Variants in TSHZ3 observed in about 807,000 individuals in gnomAD.
TSHZ3 encodes the protein teashirt zinc finger homeobox 3.
TSHZ3 carries 10 observed loss-of-function variants against 64.5 expected under a neutral mutation model. The observed-to-expected ratio is 0.16, with a 90% CI of 0.10 to 0.26. TSHZ3 has a LOEUF of 0.26. Among genes scored for constraint, TSHZ3 ranks in the 10% least tolerant of loss-of-function variants. TSHZ3 has a pLI of 1.00. For synonymous variants in TSHZ3, 608 were observed against 593.1 expected, an observed-to-expected ratio of 1.03 and a Z score of -0.36; for missense variants, 1,242 against 1,421.7, an observed-to-expected ratio of 0.87 and a Z score of 2.03.
At chr19:31,336,648 C>T (rs1002522539) in intron 1 of TSHZ3, among the ~76,000 whole-genome samples, 14 of 151,600 alleles carry the variant, frequency 9.2e-5, no homozygotes, top group African/African-American at 3.4e-4. Context: ...GGTCTCACTC[C>T]AGTTCTTCGG....
At chr19:31,241,522 A>G (rs1206044975) in intron 3 of TSHZ3, among the ~76,000 whole-genome samples, 2 of 152,010 alleles carry the variant, frequency 1.3e-5, no homozygotes, top group Non-Finnish European at 2.9e-5. Context: ...CAACAGCTTA[A>G]CTCTGGTAAG....
At chr19:31,171,842 C>T (rs1412225609) in intron 5 of TSHZ3, among the ~76,000 whole-genome samples, 2 of 152,106 alleles carry the variant, frequency 1.3e-5, no homozygotes, top group African/African-American at 2.4e-5. Flanking sequence ...CTGCCCCAGG[C>T]CTTTCCCTTT....
At chr19:31,298,209 G>C (rs113188404) in intron 1 of TSHZ3, among the ~76,000 whole-genome samples, 3 of 152,112 alleles carry the variant, frequency 2.0e-5, no homozygotes, top group African/African-American at 7.2e-5. Context: ...ACATGACCAA[G>C]AGCTTTGCTG....
intron 1 of TSHZ3, among the ~76,000 whole-genome samples, chr19:31,256,239 G>A (rs1266017835): frequency 1.3e-5 from 2 of 152,100 alleles, no homozygotes; most frequent in Non-Finnish European, 2.9e-5. Flanking sequence ...CACCCACCAC[G>A]GTGGCCTTGC....
intron 1 of TSHZ3, among the ~76,000 whole-genome samples, chr19:31,296,525 AG>A: frequency 6.6e-6 from 1 of 152,024 alleles, no homozygotes; most frequent in East Asian, 1.9e-4. Flanking sequence ...TAGTAGAGAC[AG>A]GGTTTCACCA....
upstream of TSHZ3, among the ~76,000 whole-genome samples, chr19:31,349,977 G>A (rs2021661810): frequency 4.4e-5 from 4 of 90,990 alleles, no homozygotes; most frequent in South Asian, 4.1e-4. Context: ...CTCCGCCTCC[G>A]CCCCGTGCGC....
chr19:31,163,367 T>G (rs547934098), intron 5 of TSHZ3, among the ~76,000 whole-genome samples: 52 of 152,316 alleles, frequency 3.4e-4, no homozygotes, highest in South Asian at 1.7e-3. Flanking sequence ...CTCAGATTTA[T>G]TCTGTAGTGG....
chr19:31,151,395 C>T (rs958051882), exon 7 of TSHZ3, among the ~76,000 whole-genome samples: 5 of 152,106 alleles, frequency 3.3e-5, no homozygotes, highest in African/African-American at 1.2e-4. Context: ...AAGAAATTAA[C>T]ATGAGCCATC....
At chr19:31,321,752 C>T (rs1315187277) in intron 1 of TSHZ3, among the ~76,000 whole-genome samples, 2 of 151,858 alleles carry the variant, frequency 1.3e-5, no homozygotes, top group African/African-American at 2.4e-5. Context: ...GCTTAATTGT[C>T]GTTGATTACA....
chr19:31,165,609 C>T (rs1268949513), intron 5 of TSHZ3, among the ~76,000 whole-genome samples: 1 of 152,048 alleles, frequency 6.6e-6, no homozygotes, highest in Non-Finnish European at 1.5e-5. Flanking sequence ...GCTCAGCCCT[C>T]GGACAAAAAT....
chr19:31,299,496 T>C (rs1392422694), intron 1 of TSHZ3, among the ~76,000 whole-genome samples: 1 of 152,196 alleles, frequency 6.6e-6, no homozygotes, highest in East Asian at 1.9e-4. Context: ...AGAGGGAAAG[T>C]CATTTTTATT....
At chr19:31,179,896 G>A (rs746420231) in intron 5 of TSHZ3, among the ~76,000 whole-genome samples, 2 of 152,036 alleles carry the variant, frequency 1.3e-5, no homozygotes, top group African/African-American at 4.8e-5. Context: ...AGCTCATATA[G>A]TGCCACTCAG....
chr19:31,158,573 G>C (rs1176716514), intron 5 of TSHZ3, among the ~76,000 whole-genome samples: 5 of 152,122 alleles, frequency 3.3e-5, no homozygotes, highest in Admixed American at 3.3e-4. Flanking sequence ...AGGTTTCCAC[G>C]AGCCAGAGTT....
At position 31,278,668 on chromosome 19, in the gene TSHZ3, T is replaced by C. The variant is rs752245787; in HGVS notation, c.1125A>G (p.Ala375=). Reference sequence around the variant, plus strand: ...GCGACTTCCGGGCCTCAAAGTGCCATGCATAGCTGGCCCCATTCTGGTGGC... The same window carrying C: ...GCGACTTCCGGGCCTCAAAGTGCCACGCATAGCTGGCCCCATTCTGGTGGC... ...RYGHQNGASY[A]WHFEARKSQI... The change falls in exon 2 of 2, where the codon GCA becomes GCG. Residue 375 remains alanine, a synonymous_variant. Transcript: ENST00000240587. This position sits in a 1 kb window ranked among gnomAD's most constrained non-coding sequence, Gnocchi z 4.7. The C allele has an allele frequency of 4.8e-5, 77 of 1,614,080 alleles. No individual in the cohort carries two copies. The highest frequency in any genetic ancestry group is 6.2e-5 in the Non-Finnish European group (73 of 1,180,044).
At chr19:31,171,630 A>G (rs1243694620) in intron 5 of TSHZ3, among the ~76,000 whole-genome samples, 2 of 152,058 alleles carry the variant, frequency 1.3e-5, no homozygotes, top group East Asian at 3.9e-4. Flanking sequence ...AAACCCATAA[A>G]CCTCAGTTCT....
At chr19:31,258,872 C>T (rs80277370) in intron 1 of TSHZ3, among the ~76,000 whole-genome samples, 2,101 of 152,244 alleles carry the variant, frequency 0.014, 58 homozygotes, top group African/African-American at 0.048. Context: ...CCCATCGGGT[C>T]GATTCCTCTA....
chr19:31,212,526 A>T (rs1048719498), intron 4 of TSHZ3, among the ~76,000 whole-genome samples: 14 of 152,170 alleles, frequency 9.2e-5, no homozygotes, highest in African/African-American at 3.4e-4. Context: ...GGGGAATTAA[A>T]ATCAAAACAA....
At chr19:31,308,185 C>T (rs1473733884) in intron 1 of TSHZ3, among the ~76,000 whole-genome samples, 1 of 152,158 alleles carries the variant, frequency 6.6e-6, no homozygotes, top group Admixed American at 6.5e-5. Context: ...ATGGCAGTGA[C>T]GTGCAGGTGT....
At position 31,349,023 on chromosome 19, in the gene TSHZ3, C is replaced by G. The variant is rs1356200309; in HGVS notation, c.40+157G>C. ...GGGCGTCCGGGGGGCGCCCGGTACC[C>G]GAGGCGGGCGCACGCACCCAAACAG... On this transcript the variant is annotated intron_variant, in intron 1 of 1. Coordinates refer to ENST00000240587, the MANE Select transcript of TSHZ3 (RefSeq NM_020856.4). The G allele has an allele frequency of 4.4e-6, 4 of 908,002 alleles. No individual in the cohort carries two copies. In the East Asian group the frequency reaches 1.3e-4, roughly 29 times the overall value. 56.2% of individuals were successfully genotyped at this position (908,002 alleles called of 1,614,324 possible).
Sources: gnomAD v4.1 joint callset for allele counts (sites outside exome capture counted in the v4.1 genomes callset) on GRCh38, gnomAD v4.1.1 for gene constraint, Gnocchi (gnomAD v3.1) non-coding constraint, MANE v1.5 for transcripts, NCBI Gene and HGNC (gene_info 2026-07-23, HGNC 2026-07-21) for gene names.